The following WDR59 variants were observed in gnomAD, a reference collection of about 807,000 sequenced individuals.
WDR59 encodes the protein WD repeat domain 59, also known as GATOR2 complex protein WDR59.
Under a neutral mutation model 131.2 loss-of-function variants are expected in WDR59, and 100 were observed. The observed-to-expected ratio is 0.76, with a 90% confidence interval of 0.65 to 0.90. The LOEUF (loss-of-function observed/expected upper bound fraction) is 0.90, where lower values mean the gene tolerates loss of function less well. Ranked by LOEUF, WDR59 falls within the 40% of genes least tolerant of loss-of-function variation. The probability of loss-of-function intolerance (pLI) is 0.00; values close to 1 mark genes in which losing one functional copy is unlikely to be tolerated. For missense variants in WDR59, 1,203 were observed against 1,262.2 expected (o/e 0.95, Z 0.71); for synonymous variants, 601 against 466.2 (o/e 1.29, Z -3.72).
rs112353499 is a variant in WDR59, at chr16:74,950,495, C to G, written c.327-697G>C. The stretch of plus-strand genomic sequence containing the variant: ...AGCGGCAAACTGCCACACTGCCATG[C>G]AGCACCCAGAGAGGGCCAGAGGCCT... On this transcript the variant is annotated intron_variant, in intron 4 of 25. Transcript: ENST00000262144. 7.4e-3 allele frequency among the ~76,000 whole-genome samples: 1,125 copies of G among 152,350 alleles called. 23 individuals carry two copies. The highest frequency in any genetic ancestry group is 0.025 in the African/African-American group (1,048 of 41,586).
chr16:74,975,520 C>T (rs918027326), intron 1 of WDR59, among the ~76,000 whole-genome samples: 6 of 151,568 alleles, frequency 4.0e-5, no homozygotes, highest in Admixed American at 1.3e-4. Flanking sequence ...AAAAATTAGC[C>T]GGACATGATG....
chr16:74,951,602 A>G, intron 3 of WDR59, 59 bp from the exon 4 acceptor site: 1 of 1,461,652 alleles, frequency 6.8e-7, no homozygotes. Flanking sequence ...GTCTTGCCCC[A>G]ATCAGCTTAA....
intron 2 of WDR59, among the ~76,000 whole-genome samples, chr16:74,965,305 T>TA (rs35755082): frequency 0.55 from 83,566 of 151,882 alleles, 24,182 homozygotes; most frequent in East Asian, 0.76. Flanking sequence ...CTACAGAAAC[T>TA]TGTCATTCAG....
chr16:74,982,002 TC>T (rs1478025559), intron 1 of WDR59, among the ~76,000 whole-genome samples: 1 of 135,992 alleles, frequency 7.4e-6, no homozygotes, highest in African/African-American at 2.7e-5. Context: ...ACGCCTGTAA[TC>T]CCAGCACTTT....
intron 1 of WDR59, among the ~76,000 whole-genome samples, chr16:74,969,304 ACT>A (rs1235848641): frequency 1.3e-5 from 2 of 152,084 alleles, no homozygotes; most frequent in Admixed American, 6.6e-5. Context: ...ACGGAGTCTC[ACT>A]CTGTCACCCA....
chr16:74,923,486 A>T (rs1302762268), intron 9 of WDR59, among the ~76,000 whole-genome samples: 1 of 151,556 alleles, frequency 6.6e-6, no homozygotes, highest in Non-Finnish European at 1.5e-5. Context: ...TTATTTTTTT[A>T]TTTTTTTTGG....
At chr16:74,919,051 G>A (rs1482669715) in intron 10 of WDR59, among the ~76,000 whole-genome samples, 1 of 152,052 alleles carries the variant, frequency 6.6e-6, no homozygotes, top group African/African-American at 2.4e-5. Flanking sequence ...TGACTTTGAC[G>A]AAAAGGTATG....
chr16:74,881,616 T>A (rs1227307144), intron 25 of WDR59, among the ~76,000 whole-genome samples: 3 of 152,154 alleles, frequency 2.0e-5, no homozygotes, highest in African/African-American at 7.2e-5. Context: ...GGATCATGAC[T>A]GTAATCCCAG....
intron 15 of WDR59, 51 bp downstream of exon 15, chr16:74,909,766 AGAAAT>A: frequency 6.3e-7 from 1 of 1,585,550 alleles, no homozygotes; most frequent in Non-Finnish European, 8.6e-7. Flanking sequence ...TTAGGGAGAA[AGAAAT>A]GAAACAAAAC....
intron 1 of WDR59, among the ~76,000 whole-genome samples, chr16:74,978,633 A>G (rs1469984576): frequency 2.6e-5 from 4 of 152,250 alleles, no homozygotes; most frequent in Non-Finnish European, 4.4e-5. Context: ...CAGGGGGACC[A>G]AGGAACTGTT....
chr16:74,941,935 T>C (rs886594647), intron 7 of WDR59, among the ~76,000 whole-genome samples: 8 of 151,938 alleles, frequency 5.3e-5, no homozygotes, highest in Non-Finnish European at 7.4e-5. Flanking sequence ...GAACAAGCCA[T>C]CCCCACAATG....
At chr16:74,981,695 G>A (rs567928037) in intron 1 of WDR59, among the ~76,000 whole-genome samples, 4 of 101,194 alleles carry the variant, frequency 4.0e-5, no homozygotes, top group African/African-American at 8.8e-5. Flanking sequence ...TCACTCTGTC[G>A]CCCAGGCTGG....
chr16:74,880,519 C>T (rs1964429889), intron 25 of WDR59, among the ~76,000 whole-genome samples: 1 of 152,104 alleles, frequency 6.6e-6, no homozygotes, highest in Non-Finnish European at 1.5e-5. Context: ...GAGGAGATGG[C>T]TTCATATGTG....
intron 1 of WDR59, among the ~76,000 whole-genome samples, chr16:74,974,384 A>C (rs1021577984): frequency 1.3e-5 from 2 of 152,248 alleles, no homozygotes. Flanking sequence ...TTTCTAATTT[A>C]ATAATAATGG....
intron 18 of WDR59, among the ~76,000 whole-genome samples, chr16:74,894,964 T>C (rs373147127): frequency 3.9e-5 from 6 of 152,334 alleles, no homozygotes; most frequent in South Asian, 4.1e-4. Flanking sequence ...GGAATTTAAA[T>C]TGGACCATTA....
At chr16:74,879,217 G>T (rs1249779139) in intron 25 of WDR59, among the ~76,000 whole-genome samples, 1 of 152,134 alleles carries the variant, frequency 6.6e-6, no homozygotes, top group Admixed American at 6.5e-5. Context: ...AATTAGCCGG[G>T]CATGATGGTG....
intron 25 of WDR59, among the ~76,000 whole-genome samples, chr16:74,881,829 T>C (rs1190656811): frequency 1.3e-5 from 2 of 149,722 alleles, no homozygotes; most frequent in African/African-American, 4.9e-5. Context: ...CCTGAGATTG[T>C]TCCATTGCAC....
chr16:74,877,454 T>C (rs1454924622), intron 25 of WDR59, among the ~76,000 whole-genome samples: 1 of 152,250 alleles, frequency 6.6e-6, no homozygotes, highest in Non-Finnish European at 1.5e-5. Flanking sequence ...TTTTTTGTCA[T>C]GCTTTTGAAT....
At chr16:74,896,390 A>G (rs974999294) in intron 18 of WDR59, among the ~76,000 whole-genome samples, 1 of 152,198 alleles carries the variant, frequency 6.6e-6, no homozygotes, top group Non-Finnish European at 1.5e-5. Context: ...ACTCTTTGGG[A>G]GGCCAAGGCA....
Sources: allele counts gnomAD v4.1 joint callset (sites outside exome capture counted in the v4.1 genomes callset), GRCh38; gene constraint gnomAD v4.1.1; transcripts MANE v1.5; gene names NCBI Gene and HGNC (gene_info 2026-07-23, HGNC 2026-07-21).